C4orf51: variants seen among roughly 807,000 people sequenced by gnomAD.
C4orf51 encodes the protein uncharacterized protein C4orf51.
C4orf51 carries 25 observed loss-of-function variants against 25.2 expected under a neutral mutation model. That is an observed-to-expected ratio of 0.99 (90% confidence interval 0.72 to 1.39). The LOEUF (loss-of-function observed/expected upper bound fraction) is 1.39, where lower values mean the gene tolerates loss of function less well. C4orf51 is among the 40% of genes most tolerant of loss of function. The pLI is 0.00. For synonymous variants in C4orf51, 100 were observed against 84.5 expected, an observed-to-expected ratio of 1.18 and a Z score of -1.01; for missense variants, 252 against 239.6, an observed-to-expected ratio of 1.05 and a Z score of -0.34.
At chr4:145,779,310 C>A in the C4orf51 span, 11 of 1,556,850 alleles carry the variant, frequency 7.1e-6, no homozygotes, top group South Asian at 1.3e-4. Context: ...AACTCAGTTT[C>A]CGGAGAGTAA....
downstream of C4orf51, among the ~76,000 whole-genome samples, chr4:145,735,162 C>T (rs1325444008): frequency 6.6e-6 from 1 of 152,130 alleles, no homozygotes; most frequent in African/African-American, 2.4e-5. Flanking sequence ...GCCACAGTGC[C>T]TTGGAGAAGG....
intron 2 of C4orf51, among the ~76,000 whole-genome samples, chr4:145,724,846 G>GCA (rs1731954632): frequency 7.7e-6 from 1 of 130,174 alleles, no homozygotes; most frequent in Admixed American, 9.2e-5. Flanking sequence ...ATCATGCACT[G>GCA]CACTCCAGCC....
chr4:145,783,044 T>C, the C4orf51 span, among the ~76,000 whole-genome samples: 1 of 151,516 alleles, frequency 6.6e-6, no homozygotes, highest in African/African-American at 2.4e-5. Flanking sequence ...TTTCCTATTA[T>C]ATCACTTGTT....
At chr4:145,698,028 A>G (rs1730181676) in intron 2 of C4orf51, among the ~76,000 whole-genome samples, 1 of 152,202 alleles carries the variant, frequency 6.6e-6, no homozygotes, top group Admixed American at 6.5e-5. Flanking sequence ...TCTAACAGGT[A>G]GAAGTAATAC....
At chr4:145,781,195 CAAAAAAAAAAAA>C in the C4orf51 span, among the ~76,000 whole-genome samples, 122 of 56,566 alleles carry the variant, frequency 2.2e-3, no homozygotes, top group Non-Finnish European at 3.0e-3. Flanking sequence ...GACACCATCT[CAAAAAAAAAAAA>C]AAAAAAAAAA....
At chr4:145,759,291 C>G (rs532049873), downstream of C4orf51, 1 of 151,836 alleles carries the variant, frequency 6.6e-6, no homozygotes, top group Non-Finnish European at 1.5e-5. Flanking sequence ...TTCCTTTTTT[C>G]TTTTTAAATC....
At chr4:145,744,863 A>G (rs1309842913) in intron 1 of C4orf51, among the ~76,000 whole-genome samples, 3 of 150,654 alleles carry the variant, frequency 2.0e-5, no homozygotes, top group African/African-American at 4.9e-5. Flanking sequence ...AAAAAAAAAA[A>G]AGAGAGATGG....
chr4:145,754,674 C>T (rs1432664925), downstream of C4orf51, among the ~76,000 whole-genome samples: 1 of 152,222 alleles, frequency 6.6e-6, no homozygotes, highest in Non-Finnish European at 1.5e-5. Context: ...GTGGCTCGCG[C>T]CTGTAATCCC....
chr4:145,695,643 G>A (rs546391098), intron 1 of C4orf51, among the ~76,000 whole-genome samples: 5 of 152,076 alleles, frequency 3.3e-5, no homozygotes, highest in Non-Finnish European at 5.9e-5. Flanking sequence ...TGTTGTGATT[G>A]CTTTTGGCAT....
Position 145,765,480 on chromosome 4 carries a change from T to G in C4orf51, n.167-5508T>G. ...TTTTGACATCGCTCCTGTGCAGGGC[T>G]TATTCTCAAGAATGGGTCATCCTGG... On this transcript the variant is annotated intron_variant and non_coding_transcript_variant, in intron 1 of 1. Transcript: ENST00000510096. This position sits in a 1 kb window ranked among gnomAD's most constrained non-coding sequence, Gnocchi z 4.7. The G allele has an allele frequency of 6.5e-7, 1 of 1,531,544 alleles. No individual in the cohort carries two copies. Among genetic ancestry groups the G allele is most frequent in the African/African-American group, 1.4e-5 (1 of 72,638 alleles). The allele number at this position is 1,531,544 out of a possible 1,614,324, so 94.9% of individuals were successfully genotyped here.
At chr4:145,719,020 G>A (rs572884682) in intron 2 of C4orf51, among the ~76,000 whole-genome samples, 5 of 152,224 alleles carry the variant, frequency 3.3e-5, no homozygotes, top group Admixed American at 3.3e-4. Flanking sequence ...TTTGCTTTCT[G>A]TGTATTATGG....
intron 1 of C4orf51, among the ~76,000 whole-genome samples, chr4:145,689,699 C>T (rs913504022): frequency 5.9e-5 from 9 of 151,704 alleles, no homozygotes; most frequent in African/African-American, 2.2e-4. Context: ...AATAAAGAAC[C>T]CAGAAATTAA....
chr4:145,746,350 T>C (rs1314645545), intron 1 of C4orf51, among the ~76,000 whole-genome samples: 3 of 152,222 alleles, frequency 2.0e-5, no homozygotes, highest in African/African-American at 7.2e-5. Flanking sequence ...TTTTGAGATC[T>C]TAGATACTAG....
chr4:145,709,445 G>A (rs1428033343), intron 2 of C4orf51, among the ~76,000 whole-genome samples: 2 of 152,232 alleles, frequency 1.3e-5, no homozygotes, highest in Non-Finnish European at 2.9e-5. Flanking sequence ...CAAGTTGGTA[G>A]GGTAAAAACA....
At chr4:145,687,746 G>A (rs553399049) in intron 1 of C4orf51, among the ~76,000 whole-genome samples, 16 of 152,164 alleles carry the variant, frequency 1.1e-4, no homozygotes, top group Non-Finnish European at 1.9e-4. Context: ...CTTCTCAAAT[G>A]GAGTAGCACT....
Position 145,765,465 on chromosome 4 carries a change from G to T in C4orf51, n.167-5523G>T. On this transcript the variant is annotated intron_variant and non_coding_transcript_variant, in intron 1 of 1. Coordinates refer to the C4orf51 transcript ENST00000510096. The surrounding 1 kb of genome is among the most constrained non-coding windows in gnomAD (Gnocchi z 4.7). ...GGGCCTATTATCAGTTTTTGACATC[G>T]CTCCTGTGCAGGGCTTATTCTCAAG... The T allele has an allele frequency of 1.4e-6, 2 of 1,469,794 alleles. No individual in the cohort carries two copies. The highest frequency in any genetic ancestry group is 1.8e-6 in the Non-Finnish European group (2 of 1,095,776). The allele number at this position is 1,469,794 out of a possible 1,614,324, so 91.0% of individuals were successfully genotyped here.
chr4:145,704,763 G>GAAGA (rs914366134), intron 2 of C4orf51, among the ~76,000 whole-genome samples: 1 of 152,178 alleles, frequency 6.6e-6, no homozygotes, highest in African/African-American at 2.4e-5. Flanking sequence ...TGCCTCCTCA[G>GAAGA]AAGAAAGAAT....
At chr4:145,740,240 C>CAAACAAAAAAAAAAAAAAAAAAAA (rs1733023297) in intron 1 of C4orf51, among the ~76,000 whole-genome samples, 1 of 104,836 alleles carries the variant, frequency 9.5e-6, no homozygotes, top group African/African-American at 4.1e-5. Flanking sequence ...TCCCTTTCTG[C>CAAACAAAAAAAAAAAAAAAAAAAA]AAAAAAAAAA....
Position 145,761,620 on chromosome 4 carries a change from G to A in C4orf51, n.167-9368G>A. 16 of 1,227,558 alleles carry A rather than the reference G, an allele frequency of 1.3e-5. No individual in the cohort carries two copies. Among genetic ancestry groups the A allele is most frequent in the Non-Finnish European group, 1.7e-5 (16 of 949,010 alleles). The allele number at this position is 1,227,558 out of a possible 1,614,324, so 76.0% of individuals were successfully genotyped here. A position where few individuals can be genotyped will look rare whatever the true frequency, so the allele number is the denominator to read the frequency against. On this transcript the variant is annotated intron_variant and non_coding_transcript_variant, in intron 1 of 1. Transcript: ENST00000510096. This position sits in a 1 kb window ranked among gnomAD's most constrained non-coding sequence, Gnocchi z 6.8. The stretch of plus-strand genomic sequence containing the variant: ...GCACCTGCCGGGGAAAGCAACGCAA[G>A]GGAGGTTCAGCCGGGAAGGTTCGGA...
Sources: gnomAD v4.1 joint callset for allele counts (sites outside exome capture counted in the v4.1 genomes callset) on GRCh38, gnomAD v4.1.1 for gene constraint, Gnocchi (gnomAD v3.1) non-coding constraint, MANE v1.5 for transcripts, NCBI Gene and HGNC (gene_info 2026-07-23, HGNC 2026-07-21) for gene names.